RELN: variants seen among roughly 807,000 people sequenced by gnomAD.
The protein encoded by RELN is reelin.
In RELN, 108 loss-of-function variants were observed where a neutral mutation model predicts 427.6. The observed-to-expected ratio is 0.25, with a 90% CI of 0.22 to 0.30. The LOEUF is 0.30. Among genes scored for constraint, RELN ranks in the 10% least tolerant of loss-of-function variants. The pLI, the probability that RELN is intolerant of heterozygous loss-of-function variation, is 1.00. For missense variants in RELN, 3,715 were observed against 4,302.8 expected (o/e 0.86, Z 3.82); for synonymous variants, 1,524 against 1,513.4 (o/e 1.01, Z -0.16).
chr7:103,834,033 G>C (rs1382096640), intron 2 of RELN, among the ~76,000 whole-genome samples: 1 of 152,104 alleles, frequency 6.6e-6, no homozygotes, highest in Non-Finnish European at 1.5e-5. Flanking sequence ...GGAGGTGGGA[G>C]GCATCTCAGT....
At chr7:103,877,941 T>C (rs1388156922) in intron 2 of RELN, among the ~76,000 whole-genome samples, 2 of 149,870 alleles carry the variant, frequency 1.3e-5, no homozygotes, top group Non-Finnish European at 3.0e-5. Flanking sequence ...CTGCGACCTC[T>C]GCCTCCTGAC....
intron 11 of RELN, among the ~76,000 whole-genome samples, chr7:103,662,135 T>C (rs2117414888): frequency 6.6e-6 from 1 of 152,278 alleles, no homozygotes; most frequent in Admixed American, 6.5e-5. Flanking sequence ...GTCATTTAAT[T>C]CTCACAGTGA....
intron 1 of RELN, among the ~76,000 whole-genome samples, chr7:103,937,929 A>G (rs1227157312): frequency 1.3e-5 from 2 of 152,214 alleles, no homozygotes; most frequent in African/African-American, 4.8e-5. Flanking sequence ...AATGAGACAC[A>G]GATCTTTCAC....
intron 31 of RELN, among the ~76,000 whole-genome samples, chr7:103,570,823 A>G (rs1830866169): frequency 6.6e-6 from 1 of 152,160 alleles, no homozygotes; most frequent in Non-Finnish European, 1.5e-5. Flanking sequence ...TAGCCCACTG[A>G]TATTTAGAGG....
At chr7:103,750,170 G>A (rs149323719) in intron 5 of RELN, among the ~76,000 whole-genome samples, 24 of 152,264 alleles carry the variant, frequency 1.6e-4, no homozygotes, top group Admixed American at 3.9e-4. Context: ...AGTAGACGGG[G>A]TTCCGCCATG....
intron 21 of RELN, 140 bp from the exon 22 acceptor site, chr7:103,610,947 C>T: frequency 4.4e-6 from 3 of 677,196 alleles, no homozygotes; most frequent in East Asian, 2.7e-5. Context: ...GGAAACAATC[C>T]ATGATTTTTC....
chr7:103,596,601 A>G lies in RELN; in HGVS notation c.3394T>C (p.Phe1132Leu). The G allele has an allele frequency of 6.2e-7, 1 of 1,614,044 alleles. No individual in the cohort carries two copies. Among genetic ancestry groups the G allele is most frequent in the Middle Eastern group, 1.7e-4 (1 of 6,060 alleles). Reference protein sequence around the residue: ...LDTSWVDFVQFYIQIGGESAS... With the variant: ...LDTSWVDFVQLYIQIGGESAS... ...CTCTCTCCGCCTATCTGGATGTAGA[A>G]CTGGACAAAGTCCACCCAAGAAGTA... Residue 1132 changes from phenylalanine to leucine, a missense_variant, in exon 25 of 65, where the codon TTC (phenylalanine) becomes CTC (leucine). Phe to Leu is a conservative substitution (Grantham distance 22, BLOSUM62 0). Transcript: ENST00000428762.
intron 9 of RELN, among the ~76,000 whole-genome samples, chr7:103,698,712 G>T (rs1335273549): frequency 2.0e-5 from 3 of 151,902 alleles, no homozygotes; most frequent in Non-Finnish European, 4.4e-5. Context: ...AATAGGTCTT[G>T]CTATGTTGCC....
chr7:103,495,474 A>G (rs190706033), intron 57 of RELN, among the ~76,000 whole-genome samples: 258 of 152,272 alleles, frequency 1.7e-3, no homozygotes, highest in Admixed American at 2.9e-3. Context: ...CCCGGCCTGC[A>G]ATTACTTTTG....
chr7:103,713,762 A>T (rs567855837), intron 8 of RELN, among the ~76,000 whole-genome samples: 18 of 152,268 alleles, frequency 1.2e-4, no homozygotes, highest in South Asian at 6.2e-4. Flanking sequence ...GAAACACAGT[A>T]AAATCTTCTT....
intron 1 of RELN, among the ~76,000 whole-genome samples, chr7:103,955,390 A>G (rs1182983449): frequency 1.3e-5 from 2 of 152,222 alleles, no homozygotes; most frequent in South Asian, 4.1e-4. Flanking sequence ...TAAAAATAAA[A>G]TCTTGTCCTA....
chr7:103,647,839 T>A (rs945566114), intron 16 of RELN, among the ~76,000 whole-genome samples: 1 of 152,106 alleles, frequency 6.6e-6, no homozygotes, highest in Non-Finnish European at 1.5e-5. Flanking sequence ...TGCATGGTAC[T>A]GGTATAAAAA....
intron 2 of RELN, among the ~76,000 whole-genome samples, chr7:103,916,200 A>G (rs1280303845): frequency 1.3e-5 from 2 of 152,154 alleles, no homozygotes; most frequent in East Asian, 3.9e-4. Flanking sequence ...TACTGCTGGG[A>G]CTTGACACTT....
At chr7:103,478,454 CA>C in intron 63 of RELN, 60 bp from the exon 64 acceptor site, 1 of 729,470 alleles carries the variant, frequency 1.4e-6, no homozygotes. Flanking sequence ...AAATGCCTTT[CA>C]ATGCATGCAG....
At chr7:103,646,836 A>G (rs1275434126) in intron 16 of RELN, among the ~76,000 whole-genome samples, 1 of 152,084 alleles carries the variant, frequency 6.6e-6, no homozygotes, top group African/African-American at 2.4e-5. Flanking sequence ...CTGCAGATCA[A>G]TATCCCTTAT....
At position 103,611,667 on chromosome 7, in the gene RELN, G is replaced by C; in HGVS notation, c.2839C>G (p.Gln947Glu). Residue 947 changes from glutamine to glutamate, a missense_variant, in exon 21 of 65, where the codon CAG (glutamine) becomes GAG (glutamate). This residue lies in a region of RELN where 2,208 missense variants were observed against 2,361.7 expected (regional missense o/e 0.93). Transcript: ENST00000428762. ...GQKYTPHMDNQVKLEYSTNHG... is the reference protein window; with the variant it reads ...GQKYTPHMDNEVKLEYSTNHG... ...TTGGTTGAGTACTCCAGCTTCACCT[G>C]GTTGTCCATGTGTGGGGTGTATTTC... 1 of 1,613,756 alleles carries C rather than the reference G, an allele frequency of 6.2e-7. No homozygotes were observed. The highest frequency in any genetic ancestry group is 8.5e-7 in the Non-Finnish European group (1 of 1,179,912).
chr7:103,566,091 T>C (rs1457586234), intron 33 of RELN, 133 bp downstream of exon 33: 8 of 783,252 alleles, frequency 1.0e-5, no homozygotes, highest in Non-Finnish European at 1.7e-5. Flanking sequence ...AAAACTTTTT[T>C]TTCACTGAGA....
intron 28 of RELN, among the ~76,000 whole-genome samples, chr7:103,579,265 T>C (rs1831072080): frequency 6.6e-6 from 1 of 152,148 alleles, no homozygotes; most frequent in Admixed American, 6.5e-5. Flanking sequence ...GAGGAAGTAA[T>C]GATTGAGAGA....
At chr7:103,935,214 C>T (rs1413236309) in intron 1 of RELN, among the ~76,000 whole-genome samples, 3 of 152,120 alleles carry the variant, frequency 2.0e-5, no homozygotes, top group African/African-American at 7.2e-5. Context: ...TATCTTTTGC[C>T]TCCATACTGC....
Sources: gnomAD v4.1 joint callset for allele counts (sites outside exome capture counted in the v4.1 genomes callset) on GRCh38, gnomAD v4.1.1 for gene constraint, gnomAD v4.1.1 regional missense constraint, MANE v1.5 for transcripts, NCBI Gene and HGNC (gene_info 2026-07-23, HGNC 2026-07-21) for gene names.